Variants in RELCH observed in about 807,000 individuals in gnomAD.
The protein encoded by RELCH is RAB11-binding protein RELCH.
In RELCH, 41 loss-of-function variants were observed where a neutral mutation model predicts 150.3. That is an observed-to-expected ratio of 0.27 (90% CI 0.21 to 0.35). The LOEUF (loss-of-function observed/expected upper bound fraction) is 0.35, where lower values mean the gene tolerates loss of function less well. Among genes scored for constraint, RELCH ranks in the 10% least tolerant of loss-of-function variants. The pLI is 1.00. For missense variants in RELCH, 1,092 were observed against 1,467.8 expected (o/e 0.74, Z 4.18); for synonymous variants, 478 against 531.8 (o/e 0.90, Z 1.39).
intron 10 of RELCH, among the ~76,000 whole-genome samples, chr18:62,240,010 G>A (rs1177212666): frequency 2.6e-5 from 4 of 151,662 alleles, no homozygotes; most frequent in Non-Finnish European, 5.9e-5. Flanking sequence ...GTGACAATTA[G>A]GGTACTGATA....
intron 23 of RELCH, chr18:62,280,298 C>A: frequency 7.3e-7 from 1 of 1,378,980 alleles, no homozygotes; most frequent in Non-Finnish European, 1.0e-6. Flanking sequence ...TCAGTCACAG[C>A]TAACCCAGTT....
At chr18:62,230,669 CATG>C in intron 8 of RELCH, among the ~76,000 whole-genome samples, 1 of 152,022 alleles carries the variant, frequency 6.6e-6, no homozygotes, top group East Asian at 1.9e-4. Context: ...TAAAATGTAT[CATG>C]AATATTGAAT....
chr18:62,230,383 C>T (rs952153342), intron 8 of RELCH, among the ~76,000 whole-genome samples: 2 of 151,992 alleles, frequency 1.3e-5, no homozygotes, highest in African/African-American at 4.8e-5. Flanking sequence ...ATGAGAGGAG[C>T]ATAAAACAGC....
At chr18:62,270,832 C>T (rs1470964001) in intron 20 of RELCH, among the ~76,000 whole-genome samples, 3 of 149,888 alleles carry the variant, frequency 2.0e-5, no homozygotes, top group Non-Finnish European at 4.5e-5. Context: ...GTGTGATGTT[C>T]CCCGCCTTGT....
At chr18:62,299,709 T>C (rs1338870006) in intron 28 of RELCH, among the ~76,000 whole-genome samples, 2 of 152,046 alleles carry the variant, frequency 1.3e-5, no homozygotes, top group Non-Finnish European at 2.9e-5. Flanking sequence ...TTTATAGAGG[T>C]TTTTTACAGG....
chr18:62,222,318 G>C (rs1256297391), intron 5 of RELCH, among the ~76,000 whole-genome samples: 1 of 151,892 alleles, frequency 6.6e-6, no homozygotes, highest in African/African-American at 2.4e-5. Flanking sequence ...TAGTGTCACT[G>C]AACATGTGCT....
At chr18:62,253,636 G>T (rs1425824699) in intron 12 of RELCH, among the ~76,000 whole-genome samples, 1 of 152,032 alleles carries the variant, frequency 6.6e-6, no homozygotes, top group Non-Finnish European at 1.5e-5. Context: ...TATCACTGAA[G>T]TATTAGTCAT....
chr18:62,241,847 T>C (rs1394486761), intron 10 of RELCH, among the ~76,000 whole-genome samples: 1 of 152,204 alleles, frequency 6.6e-6, no homozygotes, highest in East Asian at 1.9e-4. Flanking sequence ...GAAAGATGAA[T>C]TCACAATAAA....
At chr18:62,215,556 TTTA>T (rs1422915310) in intron 2 of RELCH, among the ~76,000 whole-genome samples, 3 of 152,228 alleles carry the variant, frequency 2.0e-5, no homozygotes, top group African/African-American at 4.8e-5. Context: ...GGAACAAATG[TTTA>T]TTAAGTACCT....
At chr18:62,210,415 G>C (rs1011707757) in intron 1 of RELCH, among the ~76,000 whole-genome samples, 1 of 152,072 alleles carries the variant, frequency 6.6e-6, no homozygotes, top group Non-Finnish European at 1.5e-5. Flanking sequence ...TCTGCAGATT[G>C]AATAATTTCC....
At chr18:62,289,220 A>T (rs904610242) in intron 26 of RELCH, among the ~76,000 whole-genome samples, 2 of 152,194 alleles carry the variant, frequency 1.3e-5, no homozygotes, top group Non-Finnish European at 2.9e-5. Context: ...CCATCTTAAC[A>T]ACAGTCCCTG....
At chr18:62,189,924 T>C (rs898376628) in intron 1 of RELCH, among the ~76,000 whole-genome samples, 3 of 152,212 alleles carry the variant, frequency 2.0e-5, no homozygotes, top group African/African-American at 7.2e-5. Context: ...TTTGTACCTG[T>C]TTTAGGTACT....
At chr18:62,274,223 T>G in intron 21 of RELCH, 137 bp downstream of exon 21, 2 of 595,050 alleles carry the variant, frequency 3.4e-6, no homozygotes, top group Non-Finnish European at 5.9e-6. Context: ...GGTTTTTTTG[T>G]GTATTTTAGT....
intron 1 of RELCH, among the ~76,000 whole-genome samples, chr18:62,206,600 T>C (rs1158922589): frequency 1.3e-5 from 2 of 152,258 alleles, no homozygotes; most frequent in Non-Finnish European, 2.9e-5. Context: ...TCAATATGTA[T>C]ACTTTAAGTA....
chr18:62,271,037 T>C (rs1470749238), intron 20 of RELCH, among the ~76,000 whole-genome samples: 1 of 152,216 alleles, frequency 6.6e-6, no homozygotes, highest in Non-Finnish European at 1.5e-5. Context: ...TTGTGAATAG[T>C]GCCGCAATAA....
intron 19 of RELCH, 44 bp downstream of exon 19, chr18:62,266,793 T>C: frequency 8.4e-7 from 1 of 1,183,756 alleles, no homozygotes. Flanking sequence ...TGCATTTCTT[T>C]ATGCAGGAAA....
intron 28 of RELCH, among the ~76,000 whole-genome samples, chr18:62,304,523 A>G (rs988634298): frequency 6.6e-6 from 1 of 152,234 alleles, no homozygotes; most frequent in African/African-American, 2.4e-5. Context: ...ATGTTCAAAC[A>G]CATTATCTTA....
intron 9 of RELCH, among the ~76,000 whole-genome samples, chr18:62,231,686 T>G (rs2041589054): frequency 6.6e-6 from 1 of 152,104 alleles, no homozygotes; most frequent in African/African-American, 2.4e-5. Flanking sequence ...TTTTCTCAAC[T>G]ATTTTGTATT....
intron 1 of RELCH, among the ~76,000 whole-genome samples, chr18:62,206,360 G>A (rs1389701021): frequency 6.6e-6 from 1 of 152,216 alleles, no homozygotes; most frequent in Non-Finnish European, 1.5e-5. Context: ...TAAGAAGAAT[G>A]ATATATGTAG....
Sources: gnomAD v4.1 joint callset for allele counts (sites outside exome capture counted in the v4.1 genomes callset) on GRCh38, gnomAD v4.1.1 for gene constraint, MANE v1.5 for transcripts, NCBI Gene and HGNC (gene_info 2026-07-23, HGNC 2026-07-21) for gene names.